The following FOXM1 variants were observed in gnomAD, a reference collection of about 807,000 sequenced individuals.
FOXM1 encodes forkhead box protein M1.
In FOXM1, 25 loss-of-function variants were observed where a neutral mutation model predicts 63.6. That is an observed-to-expected ratio of 0.39 (90% CI 0.29 to 0.55). The LOEUF (loss-of-function observed/expected upper bound fraction) is 0.55. FOXM1 is among the 20% of genes least tolerant of loss of function. FOXM1 has a pLI of 0.60. For missense variants in FOXM1, 879 were observed against 958.7 expected (o/e 0.92, Z 1.10); for synonymous variants, 387 against 376.9 (o/e 1.03, Z -0.31).
intron 8 of FOXM1, among the ~76,000 whole-genome samples, chr12:2,862,181 G>GAAAAAAA (rs962205817): frequency 9.8e-6 from 1 of 102,438 alleles, no homozygotes. Context: ...TCCGTCTCAG[G>GAAAAAAA]AAAAAAAAAA....
At chr12:2,875,924 C>CT (rs553726105) in intron 1 of FOXM1, among the ~76,000 whole-genome samples, 1,735 of 113,440 alleles carry the variant, frequency 0.015, 37 homozygotes, top group African/African-American at 0.084. Context: ...CCATGCCCAG[C>CT]TAATTTTTTT....
intron 8 of FOXM1, 78 bp from the exon 9 acceptor site, chr12:2,859,741 C>A: frequency 9.4e-7 from 1 of 1,068,352 alleles, no homozygotes; most frequent in Non-Finnish European, 1.3e-6. Context: ...GGGTTCTGAT[C>A]CTCTTTGTGT....
Position 2,858,705 on chromosome 12 carries a change from C to T in FOXM1, c.2225G>A (p.Gly742Asp). 6.2e-7 allele frequency: 1 copy of T among 1,614,138 alleles called. No individual in the cohort carries two copies. The highest frequency in any genetic ancestry group is 1.7e-5 in the Admixed American group (1 of 60,018). The change falls in exon 9 of 9, where the codon GGC becomes GAC. Residue 742 changes from glycine to aspartate, a missense_variant. By Grantham distance (94) the Gly-to-Asp change is moderately conservative. This residue lies in a region of FOXM1 where 486 missense variants were observed against 453.5 expected (regional missense o/e 1.07). Transcript: ENST00000359843. ...AGGGCCCAGTGGGTCCTCGTCCAGG[C>T]CAGGAAAGCTGATGTCCAGCAGGAT... is the stretch of plus-strand genomic sequence containing the variant. ...SKILLDISFP[G>D]LDEDPLGPDN...
intron 5 of FOXM1, among the ~76,000 whole-genome samples, chr12:2,865,842 G>A (rs907654155): frequency 5.9e-5 from 9 of 151,720 alleles, no homozygotes; most frequent in Admixed American, 5.9e-4. Context: ...TAGTAGAGAC[G>A]GAGTTTCTCC....
intron 4 of FOXM1, among the ~76,000 whole-genome samples, chr12:2,867,996 A>AG (rs2098126592): frequency 1.3e-5 from 2 of 151,670 alleles, no homozygotes; most frequent in Non-Finnish European, 2.9e-5. Flanking sequence ...AAAAAAAAAA[A>AG]AAAGAAAGAG....
intron 8 of FOXM1, chr12:2,861,423 A>G: frequency 1.7e-6 from 1 of 588,448 alleles, no homozygotes; most frequent in Non-Finnish European, 3.0e-6. Flanking sequence ...CTATGGAAAT[A>G]AAAAATTTAA....
chr12:2,869,657 G>C (rs1244292689), intron 3 of FOXM1, among the ~76,000 whole-genome samples: 1 of 151,670 alleles, frequency 6.6e-6, no homozygotes, highest in East Asian at 1.9e-4. Flanking sequence ...GGCTAGTCTC[G>C]AACTCCTGAC....
Position 2,864,350 on chromosome 12 carries a change from G to C in FOXM1, c.1236C>G (p.Arg412=), listed in dbSNP as rs1269383493. 1.9e-6 allele frequency: 3 copies of C among 1,612,638 alleles called. No individual in the cohort carries two copies. The highest frequency in any genetic ancestry group is 2.5e-6 in the Non-Finnish European group (3 of 1,178,966). ...AASLMSSELA[R]HSKRVRIAPK... is the part of the protein sequence containing the mutation. ...GGGCAATGCGGACTCGCTTGCTATG[G>C]CGGGCAAGCTCTGAGCTCATGAGGG... Residue 412 remains arginine (R), a synonymous_variant, in exon 8 of 9, where the codon CGC becomes CGG. Transcript: ENST00000359843. This position sits in a 1 kb window ranked among gnomAD's most constrained non-coding sequence, Gnocchi z 5.1.
intron 8 of FOXM1, 171 bp from the exon 9 acceptor site, chr12:2,859,834 C>T (rs572975970): frequency 1.8e-5 from 11 of 600,032 alleles, no homozygotes; most frequent in South Asian, 1.6e-4. Context: ...GTAAAAGATG[C>T]GGGTATGTAG....
At chr12:2,859,715 C>T (rs752587658) in intron 8 of FOXM1, 52 bp from the exon 9 acceptor site, 7 of 1,342,312 alleles carry the variant, frequency 5.2e-6, no homozygotes, top group Non-Finnish European at 5.1e-6. Context: ...ACAGGACGCA[C>T]AAAAATATCA....
rs2098097016 is a variant in FOXM1 at position 2,858,530 on chromosome 12, G to C, written c.*108C>G. On this transcript the variant is annotated 3_prime_UTR_variant, in exon 9 of 9. Transcript: ENST00000359843. ...TAATCAGGCAGCAGGGAGCTATGAG[G>C]AGCAGAACAGTCCCTGCCTGCTGTC... is the stretch of plus-strand genomic sequence containing the variant. 1.1e-6 allele frequency: 1 copy of C among 928,528 alleles called. No individual in the cohort carries two copies. The highest frequency in any genetic ancestry group is 1.6e-6 in the Non-Finnish European group (1 of 623,664). The allele number at this position is 928,528 out of a possible 1,614,324, so 57.5% of individuals were successfully genotyped here.
chr12:2,859,226 A>T lies in FOXM1; in HGVS notation c.1704T>A (p.Thr568=). The T allele has an allele frequency of 6.2e-7, 1 of 1,613,234 alleles. No individual in the cohort carries two copies. Among genetic ancestry groups the T allele is most frequent in the Non-Finnish European group, 8.5e-7 (1 of 1,179,688 alleles). ...PELLFSEGPS[T]SRWAAELPFP... ...ACGGGAGCTCTGCGGCCCAGCGGGA[A>T]GTACTGGGCCCCTCTGAGAAGAGCA... Residue 568 remains threonine (T), a synonymous_variant, in exon 9 of 9, where the codon ACT becomes ACA. Coordinates refer to ENST00000359843, the MANE Select transcript of FOXM1 (RefSeq NM_021953.4).
chr12:2,867,401 G>A (rs986193925), intron 4 of FOXM1, among the ~76,000 whole-genome samples: 47 of 151,980 alleles, frequency 3.1e-4, no homozygotes, highest in African/African-American at 1.1e-3. Flanking sequence ...GGGGGCTGAG[G>A]CTGCACTCCA....
chr12:2,865,278 T>C (rs936554905), intron 6 of FOXM1, 77 bp downstream of exon 6: 2 of 1,328,470 alleles, frequency 1.5e-6, no homozygotes, highest in Non-Finnish European at 2.1e-6. Context: ...TCACATCTTG[T>C]CTCTGTCCAC....
Position 2,874,958 on chromosome 12 carries a change from C to T in FOXM1, c.-47-433G>A, listed in dbSNP as rs1207696390. Among the ~76,000 whole-genome samples, 3 of 151,792 alleles carry T rather than the reference C, an allele frequency of 2.0e-5. No homozygotes were observed. The highest frequency in any genetic ancestry group is 4.4e-5 in the Non-Finnish European group (3 of 68,002). On this transcript the variant is annotated intron_variant, in intron 1 of 8. Coordinates refer to ENST00000359843, the MANE Select transcript of FOXM1 (RefSeq NM_021953.4). This position sits in a 1 kb window ranked among gnomAD's most constrained non-coding sequence, Gnocchi z 4.3. Reference sequence around the variant, plus strand: ...TTAGGAGTCCTGATGAAACTCTGATCCCATAATCCATTCAAGACAAAGGAT... The same window carrying T: ...TTAGGAGTCCTGATGAAACTCTGATTCCATAATCCATTCAAGACAAAGGAT...
rs1254874016 is a variant in FOXM1 at position 2,858,864 on chromosome 12, A to G, written c.2066T>C (p.Phe689Ser). 1 of 1,614,076 alleles carries G rather than the reference A, an allele frequency of 6.2e-7. No individual in the cohort carries two copies. The highest frequency in any genetic ancestry group is 8.5e-7 in the Non-Finnish European group (1 of 1,180,004). ...SEPLDLISVP[F>S]GNSSPSDIDV... ...TATATCTGAGGGAGAAGAGTTGCCA[A>G]AGGGGACGGAGATGAGGTCTAAGGG... The change falls in exon 9 of 9, where the codon TTT (phenylalanine) becomes TCT (serine). Residue 689 changes from phenylalanine (F) to serine (S), a missense_variant. This residue lies in a region of FOXM1 where 486 missense variants were observed against 453.5 expected (regional missense o/e 1.07). Coordinates refer to ENST00000359843, the MANE Select transcript of FOXM1 (RefSeq NM_021953.4).
chr12:2,874,271 T>G lies in FOXM1; in HGVS notation c.208A>C (p.Met70Leu). The G allele has an allele frequency of 6.2e-7, 1 of 1,614,142 alleles. No individual in the cohort carries two copies. Among genetic ancestry groups the G allele is most frequent in the African/African-American group, 1.3e-5 (1 of 75,004 alleles). ...ATGGCCACTACTTGCGTGTTGGGCA[T>G]GGTGGGGTGGTTAATAATCTTGATC... ...AGIKIINHPT[M>L]PNTQVVAIPN... The change falls in exon 2 of 9, where the codon ATG (methionine) becomes CTG (leucine). Residue 70 changes from methionine to leucine, a missense_variant. Physicochemically the swap from Met to Leu is conservative, Grantham distance 15 (BLOSUM62 2). Transcript: ENST00000359843. This position sits in a 1 kb window ranked among gnomAD's most constrained non-coding sequence, Gnocchi z 4.3.
At chr12:2,871,467 G>A (rs564252088) in intron 3 of FOXM1, among the ~76,000 whole-genome samples, 49 of 151,786 alleles carry the variant, frequency 3.2e-4, no homozygotes, top group Admixed American at 5.3e-4. Flanking sequence ...GCAACATAGC[G>A]AAACCCCATC....
rs1408337296 is a variant in FOXM1, at chr12:2,874,502, C to T, written c.-24G>A. 8 of 1,581,462 alleles carry T rather than the reference C, an allele frequency of 5.1e-6. No homozygotes were observed. The East Asian group carries it at 1.3e-4, about 27-fold the overall frequency. On this transcript the variant is annotated 5_prime_UTR_variant, in exon 2 of 9. An upstream start codon of the reference 5' UTR is lost. Coordinates refer to ENST00000359843, the MANE Select transcript of FOXM1 (RefSeq NM_021953.4). This position sits in a 1 kb window ranked among gnomAD's most constrained non-coding sequence, Gnocchi z 4.3. ...ATTATGAATCTGCGTTTTCACTCTC[C>T]ATTGAGAATCACAAGTGTGGACCCT...
Sources: allele counts gnomAD v4.1 joint callset (sites outside exome capture counted in the v4.1 genomes callset), GRCh38; gene constraint gnomAD v4.1.1; regional missense constraint gnomAD v4.1.1; non-coding constraint Gnocchi (gnomAD v3.1); transcripts MANE v1.5; gene names NCBI Gene and HGNC (gene_info 2026-07-23, HGNC 2026-07-21).